Variants in NUMB observed in about 807,000 individuals in gnomAD.
The protein encoded by NUMB is NUMB endocytic adaptor protein, also known as protein numb homolog.
In NUMB, 29 loss-of-function variants were observed where a neutral mutation model predicts 59.7. The ratio of observed to expected loss-of-function variants is 0.49; its 90% CI spans 0.36 to 0.66. The LOEUF is 0.66. NUMB is among the 30% of genes least tolerant of loss of function. The pLI is 0.00. For synonymous variants in NUMB, 288 were observed against 288.2 expected (o/e 1.00, Z 0.01); for missense variants, 723 against 822.0 (o/e 0.88, Z 1.47).
intron 6 of NUMB, chr14:73,298,305 T>C (rs1889910902): frequency 6.6e-6 from 1 of 152,252 alleles, no homozygotes; most frequent in African/African-American, 2.4e-5. Flanking sequence ...AGTGATCCCC[T>C]TGTCCCAGCC....
At chr14:73,334,966 A>AT (rs1555372236) in intron 4 of NUMB, among the ~76,000 whole-genome samples, 7 of 150,612 alleles carry the variant, frequency 4.6e-5, no homozygotes, top group African/African-American at 1.7e-4. Flanking sequence ...AAAAAAAAAA[A>AT]GGTATTAGCA....
At chr14:73,383,292 T>C (rs990664568) in intron 2 of NUMB, among the ~76,000 whole-genome samples, 5 of 151,828 alleles carry the variant, frequency 3.3e-5, no homozygotes, top group African/African-American at 1.2e-4. Context: ...CTGGAATCTA[T>C]GAAAACAAAA....
At chr14:73,361,911 C>T (rs949059151) in intron 3 of NUMB, among the ~76,000 whole-genome samples, 4 of 151,924 alleles carry the variant, frequency 2.6e-5, no homozygotes, top group East Asian at 1.9e-4. Flanking sequence ...TTCCTCAAAA[C>T]GAATATACTA....
chr14:73,372,546 T>C (rs886884903), intron 2 of NUMB, among the ~76,000 whole-genome samples: 33 of 150,328 alleles, frequency 2.2e-4, no homozygotes, highest in Non-Finnish European at 3.8e-4. Context: ...AACCACAACT[T>C]CCAATTCAAA....
chr14:73,350,927 C>G (rs74373090), intron 4 of NUMB, among the ~76,000 whole-genome samples: 2 of 152,164 alleles, frequency 1.3e-5, no homozygotes, highest in Non-Finnish European at 2.9e-5. Context: ...CTTTGAATTA[C>G]TGTGATAATA....
intron 2 of NUMB, among the ~76,000 whole-genome samples, chr14:73,384,915 C>T (rs1278941906): frequency 2.0e-4 from 23 of 114,580 alleles, no homozygotes; most frequent in South Asian, 5.5e-4. Context: ...TTTTTTGAGA[C>T]GGAGTTTCGC....
chr14:73,431,903 CAG>C (rs1041085894), intron 1 of NUMB, among the ~76,000 whole-genome samples: 53 of 152,002 alleles, frequency 3.5e-4, no homozygotes, highest in African/African-American at 7.2e-4. Flanking sequence ...GGGGAAGGGG[CAG>C]AGAGTGGTAG....
In NUMB at chr14:73,442,628, T is replaced by C. The variant is rs528309885; in HGVS notation, c.-233+15865A>G. Among the ~76,000 whole-genome samples, 8 of 152,250 alleles carry C rather than the reference T, an allele frequency of 5.3e-5. No homozygotes were observed. The South Asian group carries it at 1.7e-3, about 32-fold the overall frequency. ...ATAACATGGAAAATCTCAAATTAAT[T>C]AGGCAGAATGAAAGAAGTCAGACAA... is the stretch of plus-strand genomic sequence containing the variant. On this transcript the variant is annotated intron_variant, in intron 1 of 12. Transcript: ENST00000555238.
intron 1 of NUMB, among the ~76,000 whole-genome samples, chr14:73,419,401 T>C (rs1263485401): frequency 2.0e-5 from 3 of 151,802 alleles, no homozygotes; most frequent in East Asian, 3.9e-4. Flanking sequence ...TCCCAGCTAC[T>C]AGGAGGCTGA....
At chr14:73,371,498 G>C (rs2140056147) in intron 2 of NUMB, among the ~76,000 whole-genome samples, 1 of 151,970 alleles carries the variant, frequency 6.6e-6, no homozygotes, top group South Asian at 2.1e-4. Context: ...TTGCGCCACT[G>C]CACTCCAGCC....
Position 73,316,373 on chromosome 14 carries a change from T to C in NUMB, c.234+17A>G, listed in dbSNP as rs564006940. On this transcript the variant is annotated intron_variant, in intron 6 of 12. Transcript: ENST00000555238. Reference sequence around the variant, plus strand: ...TAACTCCTTATAAAGCAAGCATGAATGTGGCATCAAACTTACTTTTCCAAA... The same window carrying C: ...TAACTCCTTATAAAGCAAGCATGAACGTGGCATCAAACTTACTTTTCCAAA... The C allele has an allele frequency of 4.7e-5, 75 of 1,611,584 alleles. No individual in the cohort carries two copies. The South Asian group carries it at 8.0e-4, about 17-fold the overall frequency.
At chr14:73,307,262 T>A (rs1036741474) in intron 6 of NUMB, among the ~76,000 whole-genome samples, 2 of 150,920 alleles carry the variant, frequency 1.3e-5, no homozygotes, top group African/African-American at 4.9e-5. Context: ...TGAGCCGAGA[T>A]TGCGCCACTG....
chr14:73,338,891 G>C (rs1237190387), intron 4 of NUMB, among the ~76,000 whole-genome samples: 1 of 152,180 alleles, frequency 6.6e-6, no homozygotes, highest in South Asian at 2.1e-4. Context: ...TAAACACACA[G>C]TATTTTTTGC....
intron 2 of NUMB, among the ~76,000 whole-genome samples, chr14:73,382,942 T>C (rs1895321907): frequency 6.6e-6 from 1 of 152,152 alleles, no homozygotes; most frequent in South Asian, 2.1e-4. Context: ...GGGCAGGAGT[T>C]TGAGACCAAC....
chr14:73,352,469 CACACACACATATAT>C (rs1893387081), intron 4 of NUMB, among the ~76,000 whole-genome samples: 2 of 24,652 alleles, frequency 8.1e-5, no homozygotes, highest in Non-Finnish European at 1.6e-4. Context: ...TACACACACA[CACACACACATATAT>C]ATATATATAT....
At chr14:73,430,891 G>A (rs1318649084) in intron 1 of NUMB, among the ~76,000 whole-genome samples, 1 of 151,876 alleles carries the variant, frequency 6.6e-6, no homozygotes, top group Non-Finnish European at 1.5e-5. Context: ...CTTGCAGTGA[G>A]CCGAGATTGC....
intron 1 of NUMB, chr14:73,458,232 C>A: frequency 6.5e-6 from 1 of 153,390 alleles, no homozygotes. Context: ...AAGGGACCTC[C>A]TGGCCTGACC....
chr14:73,401,884 G>A (rs1441081422), intron 2 of NUMB, among the ~76,000 whole-genome samples: 1 of 135,262 alleles, frequency 7.4e-6, no homozygotes. Context: ...TTGTTTTTGA[G>A]ACAGGGTCTC....
intron 1 of NUMB, among the ~76,000 whole-genome samples, chr14:73,445,502 T>C (rs1481562460): frequency 6.6e-6 from 1 of 151,870 alleles, no homozygotes; most frequent in African/African-American, 2.4e-5. Flanking sequence ...TTCCTTTTCA[T>C]GTCTAAATGA....
Sources: allele counts gnomAD v4.1 joint callset (sites outside exome capture counted in the v4.1 genomes callset), GRCh38; gene constraint gnomAD v4.1.1; transcripts MANE v1.5; gene names NCBI Gene and HGNC (gene_info 2026-07-23, HGNC 2026-07-21).